Variants in NCOR1 observed in about 807,000 individuals in gnomAD.
NCOR1 encodes the protein protein phosphatase 1, regulatory subunit 109.
NCOR1 carries 63 observed loss-of-function variants against 288.1 expected under a neutral mutation model. The ratio of observed to expected loss-of-function variants is 0.22; its 90% CI spans 0.18 to 0.27. NCOR1 has a LOEUF of 0.27. Ranked by LOEUF, NCOR1 falls within the 10% of genes least tolerant of loss-of-function variation. The pLI is 1.00. For synonymous variants in NCOR1, 1,007 were observed against 1,065.9 expected (o/e 0.94, Z 1.08); for missense variants, 2,397 against 3,019.2 (o/e 0.79, Z 4.83).
chr17:16,085,787 C>A (rs888191841), intron 23 of NCOR1, among the ~76,000 whole-genome samples: 1 of 152,166 alleles, frequency 6.6e-6, no homozygotes, highest in Non-Finnish European at 1.5e-5. Flanking sequence ...AGGGGTGTGA[C>A]CACTGATGTA....
Position 16,040,511 on chromosome 17 carries a change from A to G in NCOR1, c.6680-17T>C. ...GAGCAGCTGCTATATTTAAGCAAAC[A>G]TTCAAGTTAATTAAGATGTGATAAT... On this transcript the variant is annotated splice_polypyrimidine_tract_variant and intron_variant, in intron 42 of 45. Coordinates refer to ENST00000268712, the MANE Select transcript of NCOR1 (RefSeq NM_006311.4). 4 of 1,609,596 alleles carry G rather than the reference A, an allele frequency of 2.5e-6. No individual in the cohort carries two copies. Among genetic ancestry groups the G allele is most frequent in the Non-Finnish European group, 3.4e-6 (4 of 1,176,952 alleles).
At position 16,048,855 on chromosome 17, in the gene NCOR1, C is replaced by T. The variant is rs2152472313; in HGVS notation, c.6526G>A (p.Ala2176Thr). 1 of 1,611,246 alleles carries T rather than the reference C, an allele frequency of 6.2e-7. No individual in the cohort carries two copies. Among genetic ancestry groups the T allele is most frequent in the East Asian group, 2.2e-5 (1 of 44,730 alleles). The part of the protein sequence containing the change: ...LLLSQRGAEP[A>T]EQRNDARSPG... ...AGGAAGCACACTTACCTCTGCTCTG[C>T]AGGCTCTGCGCCCCTCTGAGACAAG... Residue 2176 changes from alanine (A) to threonine (T), a missense_variant, in exon 41 of 46, where the codon GCA (alanine) becomes ACA (threonine). Around this residue, in one of 11 missense-constraint regions of NCOR1, gnomAD observed 1,872 missense variants for 2,187.8 expected, o/e 0.86. Transcript: ENST00000268712.
Position 16,072,136 on chromosome 17 carries a change from A to G in NCOR1, c.3895+9T>C. 6.3e-7 allele frequency: 1 copy of G among 1,586,282 alleles called. No homozygotes were observed. Among genetic ancestry groups the G allele is most frequent in the Non-Finnish European group, 8.6e-7 (1 of 1,164,738 alleles). On this transcript the variant is annotated intron_variant, in intron 29 of 45. Coordinates refer to ENST00000268712, the MANE Select transcript of NCOR1 (RefSeq NM_006311.4). Reference sequence around the variant, plus strand: ...ATAAATAAAAATGCAAAACAAGCAGAAAGTTTACCCTGCATTATGGAGCCA... The same window carrying G: ...ATAAATAAAAATGCAAAACAAGCAGGAAGTTTACCCTGCATTATGGAGCCA...
At chr17:16,035,526 T>C (rs1020965985) in intron 44 of NCOR1, among the ~76,000 whole-genome samples, 5 of 149,954 alleles carry the variant, frequency 3.3e-5, no homozygotes, top group African/African-American at 1.2e-4. Context: ...CTAGTTCTCT[T>C]GTTCTTTTTT....
chr17:16,140,229 G>C (rs2076960902), intron 11 of NCOR1, among the ~76,000 whole-genome samples: 1 of 151,880 alleles, frequency 6.6e-6, no homozygotes, highest in Admixed American at 6.6e-5. Context: ...ATTTAACAGA[G>C]ATTTACTCGT....
intron 23 of NCOR1, among the ~76,000 whole-genome samples, chr17:16,085,734 T>C (rs1445238761): frequency 2.0e-5 from 3 of 152,150 alleles, no homozygotes; most frequent in Admixed American, 6.5e-5. Context: ...GGAAGGAACA[T>C]GAGAAAACTT....
intron 23 of NCOR1, among the ~76,000 whole-genome samples, chr17:16,083,358 A>G (rs1436942221): frequency 5.9e-5 from 2 of 34,164 alleles, no homozygotes; most frequent in African/African-American, 1.9e-4. Flanking sequence ...ACTTTGTCCA[A>G]AAAAAAAAAA....
intron 35 of NCOR1, among the ~76,000 whole-genome samples, 160 bp downstream of exon 35, chr17:16,063,908 A>G (rs924605831): frequency 6.6e-6 from 1 of 152,216 alleles, no homozygotes; most frequent in African/African-American, 2.4e-5. Context: ...CCACCATCTC[A>G]GCTGCTACAG....
Position 16,199,212 on chromosome 17 carries a change from A to ACACAC in NCOR1, c.-70-4574_-70-4573insGTGTG, listed in dbSNP as rs1555813691. 5.4e-3 allele frequency among the ~76,000 whole-genome samples: 595 copies of ACACAC among 109,684 alleles called. 2 individuals carry two copies. The highest frequency in any genetic ancestry group is 6.6e-3 in the Non-Finnish European group (356 of 54,076). 72.0% of individuals were successfully genotyped at this position (109,684 alleles called of 152,430 possible). On this transcript the variant is annotated intron_variant, in intron 1 of 45. Coordinates refer to ENST00000268712, the MANE Select transcript of NCOR1 (RefSeq NM_006311.4). ...TCCGCCCAATACAGAAGGAAAAAAAAAAAAACACACACACACACACACACA... is the reference window on the plus strand; with the variant it reads ...TCCGCCCAATACAGAAGGAAAAAAAACACACAAAAACACACACACACACACACACA...
At chr17:16,150,392 GA>G (rs963832479) in intron 8 of NCOR1, among the ~76,000 whole-genome samples, 2 of 152,126 alleles carry the variant, frequency 1.3e-5, no homozygotes, top group African/African-American at 4.8e-5. Flanking sequence ...AATAGCTACT[GA>G]ATGACTCATA....
chr17:16,103,293 A>C (rs1169378308), intron 19 of NCOR1, among the ~76,000 whole-genome samples: 2 of 152,210 alleles, frequency 1.3e-5, no homozygotes, highest in Non-Finnish European at 2.9e-5. Flanking sequence ...TTTTCTCTCT[A>C]AAAATTTCTC....
chr17:16,136,228 C>T (rs1006180377), intron 14 of NCOR1, among the ~76,000 whole-genome samples: 11 of 152,196 alleles, frequency 7.2e-5, no homozygotes, highest in African/African-American at 2.4e-4. Flanking sequence ...CTCTGTCACT[C>T]AGGCTGGAGT....
chr17:16,029,259 C>T lies in NCOR1; in HGVS notation c.*3037G>A, dbSNP rs111771699. ...ACACTAGGAGTTTTCAGGACAGTCT[C>T]TTCATGTGGGTGTTTTCATTACAGT... On this transcript the variant is annotated 3_prime_UTR_variant, in exon 46 of 46. Coordinates refer to ENST00000268712, the MANE Select transcript of NCOR1 (RefSeq NM_006311.4). 3.7e-5 allele frequency: 17 copies of T among 453,636 alleles called. No homozygotes were observed. Among genetic ancestry groups the T allele is most frequent in the African/African-American group, 2.2e-4 (11 of 49,970 alleles). 28.1% of individuals were successfully genotyped at this position (453,636 alleles called of 1,614,324 possible).
chr17:16,158,131 G>A lies in NCOR1; in HGVS notation c.732+629C>T, dbSNP rs560939615. On this transcript the variant is annotated intron_variant, in intron 6 of 45. Coordinates refer to ENST00000268712, the MANE Select transcript of NCOR1 (RefSeq NM_006311.4). ...TGGGACTACAGGCATGCGCCACCAC[G>A]CCTGGCTAATTTTTGCATTTTTAGT... is the stretch of plus-strand genomic sequence containing the variant. Among the ~76,000 whole-genome samples the A allele has an allele frequency of 4.6e-5, 7 of 152,110 alleles. No homozygotes were observed. The East Asian group carries it at 5.8e-4, about 13-fold the overall frequency.
intron 32 of NCOR1, among the ~76,000 whole-genome samples, chr17:16,066,488 G>A (rs1341948261): frequency 6.6e-6 from 1 of 152,092 alleles, no homozygotes; most frequent in Non-Finnish European, 1.5e-5. Flanking sequence ...TCAAAAACAA[G>A]CAAAAGAAAC....
intron 25 of NCOR1, 32 bp from the exon 26 acceptor site, chr17:16,080,096 AC>A (rs1567883899): frequency 6.4e-7 from 1 of 1,571,672 alleles, no homozygotes. Context: ...AGCAAATTAC[AC>A]CCCCAGCCCC....
At position 16,153,396 on chromosome 17, in the gene NCOR1, CTAGAGA is replaced by C; in HGVS notation, c.733-7_733-2del. The C allele has an allele frequency of 6.3e-7, 1 of 1,588,106 alleles. No homozygotes were observed. Among genetic ancestry groups the C allele is most frequent in the African/African-American group, 1.4e-5 (1 of 74,006 alleles). On this transcript the variant is annotated splice_acceptor_variant and splice_polypyrimidine_tract_variant and intron_variant, in intron 6 of 45. Transcript: ENST00000268712. LOFTEE classifies it high-confidence loss of function. ...TTTTATGAGCTTCTTCTGCTTTTTT[CTAGAGA>C]TAAAGACATTGTTGTATCATATAAT...
intron 1 of NCOR1, among the ~76,000 whole-genome samples, chr17:16,204,946 C>A (rs1220747527): frequency 6.6e-6 from 1 of 152,200 alleles, no homozygotes; most frequent in Non-Finnish European, 1.5e-5. Flanking sequence ...TGAGGCCAGG[C>A]GCGTTGGCTC....
At chr17:16,096,899 T>C (rs1372443875) in intron 21 of NCOR1, among the ~76,000 whole-genome samples, 1 of 152,202 alleles carries the variant, frequency 6.6e-6, no homozygotes, top group Non-Finnish European at 1.5e-5. Context: ...TATGAATGGA[T>C]GAATGAATAA....
Sources: gnomAD v4.1 joint callset for allele counts (sites outside exome capture counted in the v4.1 genomes callset) on GRCh38, gnomAD v4.1.1 for gene constraint, gnomAD v4.1.1 regional missense constraint, MANE v1.5 for transcripts, NCBI Gene and HGNC (gene_info 2026-07-23, HGNC 2026-07-21) for gene names.